The following PDE4D variants were observed in gnomAD, a reference collection of about 807,000 sequenced individuals.
The protein encoded by PDE4D is phosphodiesterase 4D, also known as 3',5'-cyclic-AMP phosphodiesterase 4D.
PDE4D carries 24 observed loss-of-function variants against 87.4 expected under a neutral mutation model. That is an observed-to-expected ratio of 0.27 (90% CI 0.20 to 0.39). The LOEUF (loss-of-function observed/expected upper bound fraction) is 0.39. Among genes scored for constraint, PDE4D ranks in the 10% least tolerant of loss-of-function variants. PDE4D has a pLI of 1.00. For missense variants in PDE4D, 714 were observed against 1,041.0 expected, an observed-to-expected ratio of 0.69 and a Z score of 4.32; for synonymous variants, 384 against 383.2, an observed-to-expected ratio of 1.00 and a Z score of -0.02.
chr5:60,355,482 T>C (rs1759543655), intron 1 of PDE4D, among the ~76,000 whole-genome samples: 4 of 152,144 alleles, frequency 2.6e-5, no homozygotes, highest in Admixed American at 2.6e-4. Context: ...TCTAAGTTCC[T>C]TGAACCAGTC....
At chr5:59,719,783 A>G (rs1010854022) in intron 1 of PDE4D, among the ~76,000 whole-genome samples, 1 of 152,230 alleles carries the variant, frequency 6.6e-6, no homozygotes, top group Admixed American at 6.5e-5. Flanking sequence ...GTGTTAAGAG[A>G]TATTTTAGAG....
intron 1 of PDE4D, among the ~76,000 whole-genome samples, chr5:59,355,411 G>A (rs932509839): frequency 6.6e-6 from 1 of 152,122 alleles, no homozygotes; most frequent in African/African-American, 2.4e-5. Flanking sequence ...CTTGTTATCA[G>A]ATCTAGTGAT....
At chr5:59,012,316 T>A (rs561815763) in intron 6 of PDE4D, among the ~76,000 whole-genome samples, 12 of 152,294 alleles carry the variant, frequency 7.9e-5, no homozygotes, top group African/African-American at 2.4e-4. Flanking sequence ...TAACCTTATA[T>A]GTAAATGGGC....
intron 2 of PDE4D, among the ~76,000 whole-genome samples, chr5:60,142,977 A>G (rs750666896): frequency 2.0e-5 from 3 of 152,356 alleles, no homozygotes; most frequent in Non-Finnish European, 2.9e-5. Flanking sequence ...ATATTTTTAA[A>G]TTTTAACTAC....
chr5:59,898,610 A>T (rs1485848457), upstream of PDE4D, among the ~76,000 whole-genome samples: 1 of 152,188 alleles, frequency 6.6e-6, no homozygotes, highest in East Asian at 1.9e-4. Flanking sequence ...TCTTGGGGAG[A>T]TGAAGGAGTA....
chr5:59,894,484 C>T (rs995503156), upstream of PDE4D, among the ~76,000 whole-genome samples: 9 of 152,194 alleles, frequency 5.9e-5, no homozygotes, highest in Non-Finnish European at 1.0e-4. Context: ...TTTCCCACAG[C>T]AGGGAGAATG....
chr5:59,191,861 G>A lies in PDE4D; in HGVS notation c.684+1639C>T, dbSNP rs7727032. On this transcript the variant is annotated intron_variant, in intron 3 of 14. Coordinates refer to ENST00000340635, the MANE Select transcript of PDE4D (RefSeq NM_001104631.2). ...GCTGGGATTACAGGTACGAGCCACC[G>A]CACCCGGCCATAAGTTTTCAATAGT... Among the ~76,000 whole-genome samples the A allele has an allele frequency of 6.5e-3, 983 of 152,044 alleles. 9 individuals carry two copies. The highest frequency in any genetic ancestry group is 0.023 in the African/African-American group (953 of 41,474).
chr5:60,133,023 G>C (rs1779720742), intron 2 of PDE4D, among the ~76,000 whole-genome samples: 1 of 152,124 alleles, frequency 6.6e-6, no homozygotes, highest in Non-Finnish European at 1.5e-5. Flanking sequence ...TTCAGGTTGT[G>C]TTCCACTTCC....
At chr5:59,747,436 A>G (rs1311246955) in intron 1 of PDE4D, among the ~76,000 whole-genome samples, 11 of 152,180 alleles carry the variant, frequency 7.2e-5, no homozygotes, top group African/African-American at 2.7e-4. Flanking sequence ...TGGCCTAAGC[A>G]GTCAATGATA....
intron 3 of PDE4D, among the ~76,000 whole-genome samples, chr5:59,185,509 A>G (rs554776796): frequency 6.6e-6 from 1 of 152,292 alleles, no homozygotes; most frequent in Admixed American, 6.5e-5. Flanking sequence ...CAGTTTCCAC[A>G]GTATTTCTGG....
At chr5:60,284,650 A>G (rs1432982032) in intron 1 of PDE4D, among the ~76,000 whole-genome samples, 3 of 152,164 alleles carry the variant, frequency 2.0e-5, no homozygotes, top group Non-Finnish European at 2.9e-5. Flanking sequence ...CCCCATCACT[A>G]TTAGATACTC....
chr5:60,126,962 A>C (rs1213840956), intron 2 of PDE4D, among the ~76,000 whole-genome samples: 2 of 152,222 alleles, frequency 1.3e-5, no homozygotes, highest in Non-Finnish European at 2.9e-5. Context: ...AGAAGTATGC[A>C]GCGTATGTAT....
chr5:60,345,608 T>A (rs1231240333), intron 1 of PDE4D, among the ~76,000 whole-genome samples: 1 of 151,916 alleles, frequency 6.6e-6, no homozygotes, highest in Non-Finnish European at 1.5e-5. Context: ...AGAGTTTTCC[T>A]TCATCATTTA....
chr5:59,359,404 C>T (rs1054746501), intron 1 of PDE4D, among the ~76,000 whole-genome samples: 3 of 151,966 alleles, frequency 2.0e-5, no homozygotes, highest in African/African-American at 4.8e-5. Flanking sequence ...AATTACTTAC[C>T]GCCTCCTTTT....
At chr5:59,396,403 C>A (rs1484414388) in intron 1 of PDE4D, among the ~76,000 whole-genome samples, 2 of 97,502 alleles carry the variant, frequency 2.1e-5, no homozygotes, top group East Asian at 6.3e-4. Context: ...ACCCTACAAG[C>A]CAGAAGAGAG....
At chr5:59,548,630 CAG>C (rs1332582228) in intron 1 of PDE4D, among the ~76,000 whole-genome samples, 1 of 152,072 alleles carries the variant, frequency 6.6e-6, no homozygotes, top group Non-Finnish European at 1.5e-5. Flanking sequence ...AATGAGGATA[CAG>C]AAAGTCTGCA....
chr5:59,209,082 A>T (rs947094185), intron 2 of PDE4D, among the ~76,000 whole-genome samples: 2 of 152,128 alleles, frequency 1.3e-5, no homozygotes, highest in Admixed American at 1.3e-4. Context: ...TAAATTCTCT[A>T]CTCTAGAGCA....
rs77683005 is a variant in PDE4D at position 59,785,142 on chromosome 5, G to C, written c.455+108026C>G. Among the ~76,000 whole-genome samples, 550 of 152,198 alleles carry C rather than the reference G, an allele frequency of 3.6e-3. 2 individuals carry two copies. The highest frequency in any genetic ancestry group is 0.013 in the African/African-American group (530 of 41,518). On this transcript the variant is annotated intron_variant, in intron 1 of 14. Coordinates refer to ENST00000340635, the MANE Select transcript of PDE4D (RefSeq NM_001104631.2). ...ACAAAGAAATCCTGGCCTCAAAACT[G>C]ACATGATTTTTACATATACAATATC...
At chr5:60,087,156 A>C (rs1313697132) in intron 2 of PDE4D, among the ~76,000 whole-genome samples, 1 of 152,240 alleles carries the variant, frequency 6.6e-6, no homozygotes, top group African/African-American at 2.4e-5. Flanking sequence ...CAGGGCAACA[A>C]GTTAGTTCCA....
Sources: gnomAD v4.1 joint callset for allele counts (sites outside exome capture counted in the v4.1 genomes callset) on GRCh38, gnomAD v4.1.1 for gene constraint, MANE v1.5 for transcripts, NCBI Gene and HGNC (gene_info 2026-07-23, HGNC 2026-07-21) for gene names.